Variants in PTPRG observed in about 807,000 individuals in gnomAD.
The protein encoded by PTPRG is receptor-type tyrosine-protein phosphatase gamma.
A neutral mutation model predicts 165.3 loss-of-function variants in PTPRG; 102 were observed. The observed-to-expected ratio is 0.62, with a 90% CI of 0.53 to 0.73. The LOEUF (loss-of-function observed/expected upper bound fraction) is 0.73. Ranked by LOEUF, PTPRG falls within the 30% of genes least tolerant of loss-of-function variation. The probability of loss-of-function intolerance (pLI) is 0.00; values close to 1 mark genes in which losing one functional copy is unlikely to be tolerated. For synonymous variants in PTPRG, 675 were observed against 669.5 expected (o/e 1.01, Z -0.13); for missense variants, 1,866 against 1,861.4 (o/e 1.00, Z -0.05).
chr3:61,945,397 TGA>T (rs745802961), intron 2 of PTPRG, among the ~76,000 whole-genome samples: 38 of 151,604 alleles, frequency 2.5e-4, no homozygotes, highest in Non-Finnish European at 4.3e-4. Flanking sequence ...CTTTCTCTAC[TGA>T]AAATACAAAA....
chr3:61,719,483 C>G (rs2031956983), intron 1 of PTPRG, among the ~76,000 whole-genome samples: 1 of 152,116 alleles, frequency 6.6e-6, no homozygotes, highest in Non-Finnish European at 1.5e-5. Flanking sequence ...CCCGGGTCTC[C>G]CCACTGCCAG....
chr3:61,754,228 A>G (rs1410451766), intron 2 of PTPRG, among the ~76,000 whole-genome samples: 1 of 152,170 alleles, frequency 6.6e-6, no homozygotes, highest in Non-Finnish European at 1.5e-5. Flanking sequence ...GGGGCCATCC[A>G]TGGTCCTCTC....
At position 62,037,316 on chromosome 3, in the gene PTPRG, A is replaced by G. The variant is rs1662790576; in HGVS notation, c.519+33819A>G. ...TTGGTGGAACTTGTCTCTTGATGTC[A>G]TACTTCCTGATTGTCTCAATTGATG... is the stretch of plus-strand genomic sequence containing the variant. On this transcript the variant is annotated intron_variant, in intron 4 of 29. Coordinates refer to ENST00000474889, the MANE Select transcript of PTPRG (RefSeq NM_002841.4). Among the ~76,000 whole-genome samples the G allele has an allele frequency of 4.6e-5, 7 of 152,160 alleles. No individual in the cohort carries two copies. In the South Asian group the frequency reaches 1.2e-3, roughly 27 times the overall value.
intron 14 of PTPRG, among the ~76,000 whole-genome samples, chr3:62,235,831 T>C (rs1399802783): frequency 6.6e-6 from 1 of 152,182 alleles, no homozygotes; most frequent in African/African-American, 2.4e-5. Flanking sequence ...ATGATTTTGT[T>C]CTCTTTTCTC....
intron 1 of PTPRG, among the ~76,000 whole-genome samples, chr3:61,717,905 G>A (rs540799702): frequency 6.6e-6 from 1 of 152,276 alleles, no homozygotes; most frequent in South Asian, 2.1e-4. Flanking sequence ...ACTCGACTGG[G>A]TATGGTGGCT....
chr3:61,588,626 A>G (rs1355782132), intron 1 of PTPRG, among the ~76,000 whole-genome samples: 2 of 152,152 alleles, frequency 1.3e-5, no homozygotes, highest in South Asian at 2.1e-4. Context: ...TTTGTATTGT[A>G]GTAGAGACAA....
intron 8 of PTPRG, among the ~76,000 whole-genome samples, chr3:62,169,361 C>T (rs1473880415): frequency 6.6e-6 from 1 of 152,192 alleles, no homozygotes; most frequent in Non-Finnish European, 1.5e-5. Flanking sequence ...ATACCAGCCT[C>T]ACCCCTACTG....
intron 2 of PTPRG, among the ~76,000 whole-genome samples, chr3:61,983,220 T>G (rs1040369104): frequency 6.6e-6 from 1 of 152,160 alleles, no homozygotes; most frequent in Non-Finnish European, 1.5e-5. Context: ...CTATTAGTAC[T>G]GGAGAATGCA....
chr3:61,790,275 A>G (rs1402853480), intron 2 of PTPRG, among the ~76,000 whole-genome samples: 2 of 152,230 alleles, frequency 1.3e-5, no homozygotes, highest in Admixed American at 1.3e-4. Flanking sequence ...GTGGTGAACC[A>G]TTCGAGTTGT....
At chr3:61,690,699 C>A (rs1199930270) in intron 1 of PTPRG, among the ~76,000 whole-genome samples, 3 of 152,180 alleles carry the variant, frequency 2.0e-5, no homozygotes, top group African/African-American at 7.2e-5. Flanking sequence ...AAACTGTTCA[C>A]TCAGATGGTT....
chr3:62,072,520 G>T (rs552756327), intron 4 of PTPRG, among the ~76,000 whole-genome samples: 2 of 151,990 alleles, frequency 1.3e-5, no homozygotes, highest in Non-Finnish European at 2.9e-5. Context: ...TGGCAGAACT[G>T]GTCCCATGAT....
intron 2 of PTPRG, among the ~76,000 whole-genome samples, chr3:61,960,966 C>T (rs147387904): frequency 1.3e-5 from 2 of 152,038 alleles, no homozygotes; most frequent in East Asian, 1.9e-4. Context: ...AATCCATTAG[C>T]CTGCATTCTT....
chr3:62,067,354 G>T (rs1050745257), intron 4 of PTPRG, among the ~76,000 whole-genome samples: 3 of 151,684 alleles, frequency 2.0e-5, no homozygotes, highest in African/African-American at 7.3e-5. Context: ...GGGTGTTTAG[G>T]AGCACCCCTG....
In PTPRG at chr3:61,634,149, CAA is replaced by C. The variant is rs546442722; in HGVS notation, c.85+71778_85+71779del. On this transcript the variant is annotated intron_variant, in intron 1 of 29. Coordinates refer to ENST00000474889, the MANE Select transcript of PTPRG (RefSeq NM_002841.4). ...CAGGCTGTTCTTGAACGCCTGGCCT[CAA>C]GAGATCTGTGTGCCATATGATCTAT... Among the ~76,000 whole-genome samples the C allele has an allele frequency of 5.3e-5, 8 of 152,102 alleles. 2 individuals are homozygous for C. In the South Asian group the frequency reaches 1.7e-3, roughly 32 times the overall value.
chr3:62,167,930 T>G (rs775572527), intron 7 of PTPRG, 41 bp from the exon 8 acceptor site: 1 of 1,416,060 alleles, frequency 7.1e-7, no homozygotes, highest in Admixed American at 1.8e-5. Context: ...TTTTTTGTGT[T>G]GTTTTTTTTT....
Position 61,833,260 on chromosome 3 carries a change from T to G in PTPRG, c.190+84278T>G, listed in dbSNP as rs752032993. On this transcript the variant is annotated intron_variant, in intron 2 of 29. Transcript: ENST00000474889. ...ACCCTAAATATATACTATAGGACTT[T>G]CACTATAATGCCCCCAATTTTGCAG... Among the ~76,000 whole-genome samples the G allele has an allele frequency of 1.1e-4, 16 of 152,342 alleles. No individual in the cohort carries two copies. The East Asian group carries it at 1.7e-3, about 17-fold the overall frequency.
At chr3:61,969,105 T>A (rs1195543514) in intron 2 of PTPRG, among the ~76,000 whole-genome samples, 1 of 152,152 alleles carries the variant, frequency 6.6e-6, no homozygotes, top group Non-Finnish European at 1.5e-5. Flanking sequence ...AGTACTATAT[T>A]TGACACAGAA....
Position 62,271,563 on chromosome 3 carries a change from C to A in PTPRG, c.3182+8C>A. ...TGTGTTGGTGCACTGCAGGTAGGGT[C>A]TAGGATTCAACATGTGAAATAGATG... On this transcript the variant is annotated splice_region_variant and intron_variant, in intron 21 of 29. Coordinates refer to ENST00000474889, the MANE Select transcript of PTPRG (RefSeq NM_002841.4). The surrounding 1 kb of genome is among the most constrained non-coding windows in gnomAD (Gnocchi z 4.1). 1 of 1,609,506 alleles carries A rather than the reference C, an allele frequency of 6.2e-7. No individual in the cohort carries two copies. The highest frequency in any genetic ancestry group is 1.3e-5 in the African/African-American group (1 of 74,908).
At chr3:61,676,471 A>AAAAAAAAAAAAAGAAAG (rs369505317) in intron 1 of PTPRG, among the ~76,000 whole-genome samples, 1 of 99,020 alleles carries the variant, frequency 1.0e-5, no homozygotes, top group Non-Finnish European at 2.3e-5. Flanking sequence ...AAAAAAAAAA[A>AAAAAAAAAAAAAGAAAG]AAAGAAAATT....
Sources: gnomAD v4.1 joint callset for allele counts (sites outside exome capture counted in the v4.1 genomes callset) on GRCh38, gnomAD v4.1.1 for gene constraint, Gnocchi (gnomAD v3.1) non-coding constraint, MANE v1.5 for transcripts, NCBI Gene and HGNC (gene_info 2026-07-23, HGNC 2026-07-21) for gene names.